Variants in CLNK observed in about 807,000 individuals in gnomAD.
The protein encoded by CLNK is cytokine-dependent hematopoietic cell linker.
Under a neutral mutation model 68.6 loss-of-function variants are expected in CLNK, and 74 were observed. The observed-to-expected ratio is 1.08, with a 90% CI of 0.89 to 1.31. CLNK has a LOEUF of 1.31. CLNK is among the 50% of genes most tolerant of loss of function. The pLI, the probability that CLNK is intolerant of heterozygous loss-of-function variation, is 0.00. For synonymous variants in CLNK, 198 were observed against 172.2 expected, an observed-to-expected ratio of 1.15 and a Z score of -1.17; for missense variants, 553 against 515.3, an observed-to-expected ratio of 1.07 and a Z score of -0.71.
At chr4:10,660,967 G>A (rs1279162128) in intron 2 of CLNK, among the ~76,000 whole-genome samples, 1 of 152,168 alleles carries the variant, frequency 6.6e-6, no homozygotes, top group Non-Finnish European at 1.5e-5. Context: ...GACCCAGTTG[G>A]CCCGAGAGTT....
intron 2 of CLNK, among the ~76,000 whole-genome samples, chr4:10,616,388 C>G (rs1327071110): frequency 1.3e-5 from 2 of 152,204 alleles, no homozygotes; most frequent in Admixed American, 1.3e-4. Flanking sequence ...TATGCTGTGT[C>G]AATATCTATA....
chr4:10,718,426 A>G, the CLNK span, among the ~76,000 whole-genome samples: 1 of 152,292 alleles, frequency 6.6e-6, no homozygotes, highest in Non-Finnish European at 1.5e-5. Context: ...AAGAAAAAGT[A>G]CGTTGATTGG....
intron 2 of CLNK, among the ~76,000 whole-genome samples, chr4:10,620,424 G>A (rs1241593292): frequency 6.6e-6 from 1 of 152,128 alleles, no homozygotes; most frequent in East Asian, 1.9e-4. Context: ...TGACTTAACT[G>A]TCAAACAATC....
chr4:10,571,293 G>C (rs1720331329), intron 5 of CLNK, among the ~76,000 whole-genome samples: 1 of 148,372 alleles, frequency 6.7e-6, no homozygotes, highest in African/African-American at 2.5e-5. Context: ...ATGCCACTTG[G>C]AAAAGTATTT....
the CLNK span, among the ~76,000 whole-genome samples, chr4:10,728,539 T>G: frequency 6.6e-6 from 1 of 151,782 alleles, no homozygotes; most frequent in Non-Finnish European, 1.5e-5. Flanking sequence ...GCTGCAGGTT[T>G]GCCATCACCT....
intron 2 of CLNK, among the ~76,000 whole-genome samples, chr4:10,624,696 A>T (rs940064295): frequency 1.3e-5 from 2 of 150,296 alleles, no homozygotes; most frequent in Non-Finnish European, 3.0e-5. Flanking sequence ...CTAAGATGCC[A>T]AGAAGCATCA....
At chr4:10,524,512 C>T (rs756206279) in intron 14 of CLNK, among the ~76,000 whole-genome samples, 10 of 152,210 alleles carry the variant, frequency 6.6e-5, no homozygotes, top group Non-Finnish European at 8.8e-5. Context: ...AAACATAGTA[C>T]ATTCCCAGTA....
At chr4:10,687,088 T>C (rs890297750), upstream of CLNK, among the ~76,000 whole-genome samples, 3 of 152,072 alleles carry the variant, frequency 2.0e-5, no homozygotes, top group African/African-American at 7.2e-5. Flanking sequence ...AAACTACAAT[T>C]TGTGGTAAAT....
At chr4:10,699,836 T>C in the CLNK span, among the ~76,000 whole-genome samples, 1 of 151,984 alleles carries the variant, frequency 6.6e-6, no homozygotes. Context: ...TTAAATCAGC[T>C]CTAGATTACT....
In CLNK at chr4:10,571,756, CTTG is replaced by C; in HGVS notation, c.132_134del (p.Asn44del). On this transcript the variant is annotated inframe_deletion, in exon 5 of 19. Transcript: ENST00000226951. The stretch of plus-strand genomic sequence containing the variant: ...GCTGACTTACCCAGTCTAGAAGAGG[CTTG>C]TTCATCCTCTGGTACTGGCCTGCCA... 1 of 1,612,902 alleles carries C rather than the reference CTTG, an allele frequency of 6.2e-7. No individual in the cohort carries two copies. The highest frequency in any genetic ancestry group is 1.1e-5 in the South Asian group (1 of 91,028).
chr4:10,538,841 A>C (rs1284951649), intron 11 of CLNK, among the ~76,000 whole-genome samples: 3 of 152,218 alleles, frequency 2.0e-5, no homozygotes, highest in Admixed American at 6.5e-5. Flanking sequence ...GTACCAATGG[A>C]GAAGGGCCCA....
rs1205635105 is a variant in CLNK, at chr4:10,540,550, G to A, written c.546C>T (p.Ser182=). ...KYQPLPPEPE[S]SRPPLSQRHT... ...GTCTCTGAGATAAAGGTGGCCTGCT[G>A]CTCTCCGGCTCAGGGGGCAAGGGTT... is the stretch of plus-strand genomic sequence containing the variant. The change falls in exon 11 of 19, where the codon AGC becomes AGT. Residue 182 remains serine, a synonymous_variant. Transcript: ENST00000226951. The A allele has an allele frequency of 6.2e-7, 1 of 1,613,766 alleles. No homozygotes were observed. Among genetic ancestry groups the A allele is most frequent in the East Asian group, 2.2e-5 (1 of 44,888 alleles).
the CLNK span, among the ~76,000 whole-genome samples, chr4:10,722,918 T>A: frequency 6.6e-6 from 1 of 152,002 alleles, no homozygotes; most frequent in Non-Finnish European, 1.5e-5. Context: ...GGTGTGGTGG[T>A]GCATACCTGT....
chr4:10,721,500 G>A, the CLNK span, among the ~76,000 whole-genome samples: 3 of 152,216 alleles, frequency 2.0e-5, no homozygotes, highest in Non-Finnish European at 4.4e-5. Context: ...GTGGAAAGAA[G>A]TGTAGAGAAC....
At chr4:10,687,380 C>T (rs1213550196), upstream of CLNK, among the ~76,000 whole-genome samples, 1 of 152,012 alleles carries the variant, frequency 6.6e-6, no homozygotes, top group Admixed American at 6.6e-5. Context: ...CAGATTTCCT[C>T]TGGGGAAGTG....
At chr4:10,545,644 G>T (rs1719197414) in intron 8 of CLNK, among the ~76,000 whole-genome samples, 1 of 152,064 alleles carries the variant, frequency 6.6e-6, no homozygotes, top group South Asian at 2.1e-4. Context: ...TGCCCTGGTG[G>T]GGACTCCATT....
chr4:10,548,581 A>G (rs1413053444), intron 8 of CLNK, among the ~76,000 whole-genome samples: 3 of 152,178 alleles, frequency 2.0e-5, no homozygotes, highest in African/African-American at 7.2e-5. Flanking sequence ...CATTGGCAAG[A>G]TACAATGCCA....
the CLNK span, among the ~76,000 whole-genome samples, chr4:10,694,604 G>T: frequency 6.6e-6 from 1 of 152,220 alleles, no homozygotes; most frequent in Non-Finnish European, 1.5e-5. Context: ...ATCTAGTTGT[G>T]CAGGAGGCTA....
At chr4:10,504,997 A>C (rs1717232814) in intron 17 of CLNK, among the ~76,000 whole-genome samples, 1 of 152,228 alleles carries the variant, frequency 6.6e-6, no homozygotes, top group Non-Finnish European at 1.5e-5. Context: ...CTGGAAGAGC[A>C]TCAGGTGACA....
Sources: allele counts gnomAD v4.1 joint callset (sites outside exome capture counted in the v4.1 genomes callset), GRCh38; gene constraint gnomAD v4.1.1; transcripts MANE v1.5; gene names NCBI Gene and HGNC (gene_info 2026-07-23, HGNC 2026-07-21).